Variants in NMNAT2 observed in about 807,000 individuals in gnomAD.
The protein encoded by NMNAT2 is nicotinamide/nicotinic acid mononucleotide adenylyltransferase 2.
Under a neutral mutation model 41.6 loss-of-function variants are expected in NMNAT2, and 11 were observed. The observed-to-expected ratio is 0.26, with a 90% confidence interval of 0.17 to 0.44. The LOEUF is 0.44. Among genes scored for constraint, NMNAT2 ranks in the 20% least tolerant of loss-of-function variants. The pLI is 1.00. For missense variants in NMNAT2, 288 were observed against 407.7 expected, an observed-to-expected ratio of 0.71 and a Z score of 2.53; for synonymous variants, 148 against 151.2, an observed-to-expected ratio of 0.98 and a Z score of 0.16.
chr1:183,354,252 A>G (rs536900522), intron 1 of NMNAT2, among the ~76,000 whole-genome samples: 73 of 152,118 alleles, frequency 4.8e-4, no homozygotes, highest in Non-Finnish European at 5.9e-5. Flanking sequence ...AAGAGATGAG[A>G]GGCGAAAGAG....
At chr1:183,416,964 C>T (rs1345772927) in intron 1 of NMNAT2, among the ~76,000 whole-genome samples, 1 of 152,172 alleles carries the variant, frequency 6.6e-6, no homozygotes, top group African/African-American at 2.4e-5. Flanking sequence ...GCCTTGCTGG[C>T]GGGCCAGGTC....
intron 8 of NMNAT2, among the ~76,000 whole-genome samples, chr1:183,266,237 T>C (rs1660810595): frequency 6.6e-6 from 1 of 152,202 alleles, no homozygotes. Flanking sequence ...CTGTCATCTC[T>C]CATTTGGATT....
At chr1:183,390,969 A>C (rs1648464954) in intron 1 of NMNAT2, among the ~76,000 whole-genome samples, 1 of 152,198 alleles carries the variant, frequency 6.6e-6, no homozygotes, top group Admixed American at 6.5e-5. Context: ...AATTAACACA[A>C]GTTTCAGGCA....
At chr1:183,341,749 C>CAAAAAAAAAAA (rs1475480146) in intron 1 of NMNAT2, among the ~76,000 whole-genome samples, 1 of 31,680 alleles carries the variant, frequency 3.2e-5, no homozygotes, top group African/African-American at 1.2e-4. Flanking sequence ...AAAAAAAAAC[C>CAAAAAAAAAAA]TGTTTCCTTC....
chr1:183,341,734 A>AAAAAAAAAACAAAC (rs1662815023), intron 1 of NMNAT2, among the ~76,000 whole-genome samples: 3 of 139,880 alleles, frequency 2.1e-5, no homozygotes, highest in African/African-American at 7.9e-5. Flanking sequence ...CCAAAAAAAA[A>AAAAAAAAAACAAAC]AAAAAAAAAA....
Position 183,392,143 on chromosome 1 carries a change from A to G in NMNAT2, c.85+26040T>C, listed in dbSNP as rs115031352. ...CTCAACATCTCCACTTGAATGTCTA[A>G]TCATCCTTTCAGAAGCAACATGTCC... On this transcript the variant is annotated intron_variant, in intron 1 of 10. Coordinates refer to ENST00000287713, the MANE Select transcript of NMNAT2 (RefSeq NM_015039.4). 6.4e-3 allele frequency among the ~76,000 whole-genome samples: 969 copies of G among 152,258 alleles called. 9 individuals are homozygous for G. The highest frequency in any genetic ancestry group is 0.022 in the African/African-American group (930 of 41,546).
intron 1 of NMNAT2, 107 bp from the exon 2 acceptor site, chr1:183,293,900 T>C (rs1661611341): frequency 2.6e-6 from 2 of 755,082 alleles, no homozygotes; most frequent in Non-Finnish European, 4.5e-6. Context: ...TTATTTCCCA[T>C]CTCTCTTGCC....
intron 4 of NMNAT2, among the ~76,000 whole-genome samples, chr1:183,286,998 ATGGGTCC>A (rs1284411025): frequency 1.3e-5 from 2 of 151,990 alleles, no homozygotes; most frequent in Non-Finnish European, 2.9e-5. Context: ...TGGTGTTATA[ATGGGTCC>A]TGGGTCCAAA....
chr1:183,403,936 C>T (rs1648885843), intron 1 of NMNAT2, among the ~76,000 whole-genome samples: 1 of 152,042 alleles, frequency 6.6e-6, no homozygotes, highest in Admixed American at 6.6e-5. Context: ...TGTCACCAAA[C>T]AGGATTTGTT....
intron 7 of NMNAT2, among the ~76,000 whole-genome samples, chr1:183,281,046 A>C (rs1661254791): frequency 6.6e-6 from 1 of 151,948 alleles, no homozygotes; most frequent in Non-Finnish European, 1.5e-5. Flanking sequence ...CGGCCTCCCA[A>C]AGTGCTGGGA....
chr1:183,260,867 G>A, intron 10 of NMNAT2, 135 bp downstream of exon 10: 3 of 726,762 alleles, frequency 4.1e-6, no homozygotes, highest in East Asian at 5.0e-5. Flanking sequence ...GAACAAATGA[G>A]GTCCAAACAG....
At chr1:183,292,537 AG>A in intron 3 of NMNAT2, among the ~76,000 whole-genome samples, 1 of 152,380 alleles carries the variant, frequency 6.6e-6, no homozygotes, top group Non-Finnish European at 1.5e-5. Context: ...GAATCATGCC[AG>A]GATTCAGAGA....
At chr1:183,389,854 GAAAGAAA>G (rs1557897859) in intron 1 of NMNAT2, among the ~76,000 whole-genome samples, 3 of 64,306 alleles carry the variant, frequency 4.7e-5, no homozygotes, top group Admixed American at 2.1e-4. Context: ...GGAAAAAAGA[GAAAGAAA>G]GAAAGAAAGA....
At chr1:183,271,514 A>G (rs1660988413) in intron 8 of NMNAT2, among the ~76,000 whole-genome samples, 1 of 152,196 alleles carries the variant, frequency 6.6e-6, no homozygotes, top group African/African-American at 2.4e-5. Flanking sequence ...TGCTCAATAA[A>G]TATTTTAAAA....
At chr1:183,263,541 A>G (rs1315161088) in intron 8 of NMNAT2, among the ~76,000 whole-genome samples, 2 of 152,338 alleles carry the variant, frequency 1.3e-5, no homozygotes, top group East Asian at 1.9e-4. Flanking sequence ...ATCTCGGGCC[A>G]GGCGCAGTGG....
At chr1:183,304,568 T>G in intron 1 of NMNAT2, 1 of 1,130,788 alleles carries the variant, frequency 8.8e-7, no homozygotes, top group Non-Finnish European at 1.3e-6. Context: ...CTGCAAACCT[T>G]GAGAAGCTCC....
At chr1:183,335,227 T>C (rs146010447) in intron 1 of NMNAT2, among the ~76,000 whole-genome samples, 2 of 152,214 alleles carry the variant, frequency 1.3e-5, no homozygotes, top group African/African-American at 4.8e-5. Flanking sequence ...TTAGATCCCG[T>C]CTCTGTTAAC....
chr1:183,280,585 A>C (rs1285402038), intron 7 of NMNAT2, among the ~76,000 whole-genome samples: 2 of 151,060 alleles, frequency 1.3e-5, no homozygotes, highest in Non-Finnish European at 3.0e-5. Context: ...AGGGGGTTTC[A>C]CCATGTTGGC....
intron 1 of NMNAT2, among the ~76,000 whole-genome samples, chr1:183,331,565 A>ACTCCCTGCCTTTCTGGGGG (rs1662586125): frequency 1.3e-5 from 2 of 151,962 alleles, no homozygotes; most frequent in Non-Finnish European, 2.9e-5. Context: ...TCTTTTTCCA[A>ACTCCCTGCCTTTCTGGGGG]CTCCCTGCCT....
Sources: gnomAD v4.1 joint callset for allele counts (sites outside exome capture counted in the v4.1 genomes callset) on GRCh38, gnomAD v4.1.1 for gene constraint, MANE v1.5 for transcripts, NCBI Gene and HGNC (gene_info 2026-07-23, HGNC 2026-07-21) for gene names.